BDNF: variants seen among roughly 807,000 people sequenced by gnomAD.
The protein encoded by BDNF is neurotrophic factor BDNF precursor form.
Under a neutral mutation model 19.5 loss-of-function variants are expected in BDNF, and 1 was observed. That is an observed-to-expected ratio of 0.05 (90% confidence interval 0.02 to 0.24). BDNF has a LOEUF of 0.24. Ranked by LOEUF, BDNF falls within the 10% of genes least tolerant of loss-of-function variation. The pLI is 1.00. For synonymous variants in BDNF, 100 were observed against 121.6 expected, an observed-to-expected ratio of 0.82 and a Z score of 1.17; for missense variants, 195 against 317.6, an observed-to-expected ratio of 0.61 and a Z score of 2.93.
intron 1 of BDNF, chr11:27,699,513 A>G (rs1211910772): frequency 1.2e-6 from 2 of 1,610,744 alleles, no homozygotes; most frequent in African/African-American, 2.7e-5. Context: ...GGGGCGCAGG[A>G]TGGGTAGAGA....
At chr11:27,690,957 G>C (rs987297233) in intron 1 of BDNF, 2 of 151,560 alleles carry the variant, frequency 1.3e-5, no homozygotes, top group Non-Finnish European at 2.9e-5. Flanking sequence ...TGATTCAGTA[G>C]TTCTCCCTCT....
At chr11:27,678,567 A>C (rs528436449) in intron 1 of BDNF, among the ~76,000 whole-genome samples, 2 of 152,330 alleles carry the variant, frequency 1.3e-5, no homozygotes, top group East Asian at 3.9e-4. Context: ...CGCACTGTAA[A>C]GATACTGATA....
chr11:27,700,726 GGGGCGCCTTGGACAGGACGCCCGCGGCTT>G, upstream of BDNF: 16 of 1,177,860 alleles, frequency 1.4e-5, no homozygotes, highest in South Asian at 2.3e-4. Context: ...GCGCCCTCCT[GGGGCGCCTTGGACAGGACGCCCGCGGCTT>G]CGAGGGGTGT....
At chr11:27,687,601 C>T (rs1248670473) in intron 1 of BDNF, among the ~76,000 whole-genome samples, 1 of 152,010 alleles carries the variant, frequency 6.6e-6, no homozygotes, top group South Asian at 2.1e-4. Flanking sequence ...TTCGTGTGGA[C>T]ATCCTTTTTG....
Position 27,699,788 on chromosome 11 carries a change from CTCAG to C in BDNF, c.-22+372_-22+375del, listed in dbSNP as rs992187785. 14 of 1,063,884 alleles carry C rather than the reference CTCAG, an allele frequency of 1.3e-5. No individual in the cohort carries two copies. The African/African-American group carries it at 1.6e-4, about 12-fold the overall frequency. The allele number at this position is 1,063,884 out of a possible 1,614,324, so 65.9% of individuals were successfully genotyped here. A position where few individuals can be genotyped will look rare whatever the true frequency, so the allele number is the denominator to read the frequency against. On this transcript the variant is annotated intron_variant, in intron 1 of 1. Coordinates refer to ENST00000356660, the MANE Select transcript of BDNF (RefSeq NM_001709.5). ...CCTAGCCTAGCCCCAGCACCCTCCC[CTCAG>C]TCAGGACCCTCGACAGCTCTGGCCC...
chr11:27,693,553 G>A (rs1157739590), intron 1 of BDNF, among the ~76,000 whole-genome samples: 1 of 152,156 alleles, frequency 6.6e-6, no homozygotes, highest in East Asian at 1.9e-4. Flanking sequence ...CAACATGTCG[G>A]TGCTGGATGT....
At chr11:27,677,037 C>G (rs747134841) in intron 1 of BDNF, 1 of 152,236 alleles carries the variant, frequency 6.6e-6, no homozygotes, top group Non-Finnish European at 1.5e-5. Flanking sequence ...AGAGCTGGCG[C>G]AAGCCCATGG....
At chr11:27,673,069 A>T (rs1026567523) in intron 1 of BDNF, among the ~76,000 whole-genome samples, 1 of 152,164 alleles carries the variant, frequency 6.6e-6, no homozygotes, top group East Asian at 1.9e-4. Flanking sequence ...CCCAGGTGGC[A>T]TCTTAAGTAT....
chr11:27,676,025 CAG>C (rs1310282294), intron 1 of BDNF: 1 of 152,252 alleles, frequency 6.6e-6, no homozygotes, highest in Admixed American at 6.5e-5. Flanking sequence ...GCACAAAAGA[CAG>C]AACACCTTGC....
upstream of BDNF, chr11:27,700,529 C>A (rs1327463139): frequency 5.1e-5 from 27 of 528,820 alleles, no homozygotes; most frequent in South Asian, 6.2e-4. Flanking sequence ...CGCCCCCCCC[C>A]CCCCGCCCCC....
intron 1 of BDNF, among the ~76,000 whole-genome samples, chr11:27,670,958 G>A (rs574353371): frequency 5.3e-5 from 8 of 152,294 alleles, no homozygotes; most frequent in East Asian, 3.9e-4. Flanking sequence ...ACATGCACAC[G>A]TATGTTTATT....
chr11:27,660,255 G>C (rs1853240889), intron 1 of BDNF: 3 of 1,252,156 alleles, frequency 2.4e-6, no homozygotes, highest in Non-Finnish European at 3.1e-6. Context: ...CAACCACTAA[G>C]AGACTTTATT....
chr11:27,670,817 A>T (rs939500310), intron 1 of BDNF, among the ~76,000 whole-genome samples: 1 of 152,228 alleles, frequency 6.6e-6, no homozygotes, highest in African/African-American at 2.4e-5. Context: ...TGGGACTGTA[A>T]ACTAGTTCAA....
intron 1 of BDNF, among the ~76,000 whole-genome samples, chr11:27,678,567 A>AGAT (rs1485444429): frequency 6.6e-6 from 1 of 152,210 alleles, no homozygotes; most frequent in East Asian, 1.9e-4. Context: ...CGCACTGTAA[A>AGAT]GATACTGATA....
At chr11:27,671,833 T>A (rs912847271) in intron 1 of BDNF, among the ~76,000 whole-genome samples, 1 of 152,116 alleles carries the variant, frequency 6.6e-6, no homozygotes, top group Non-Finnish European at 1.5e-5. Flanking sequence ...AATCAGATCC[T>A]GCATTTCAAT....
intron 1 of BDNF, among the ~76,000 whole-genome samples, chr11:27,721,225 T>C (rs1160225455): frequency 6.6e-6 from 1 of 152,020 alleles, no homozygotes; most frequent in African/African-American, 2.4e-5. Flanking sequence ...TTCCACGCAG[T>C]TCCACATAGC....
chr11:27,676,623 A>G (rs1856152568), intron 1 of BDNF, among the ~76,000 whole-genome samples: 2 of 152,236 alleles, frequency 1.3e-5, no homozygotes, highest in South Asian at 2.1e-4. Flanking sequence ...GAAAAAGTCT[A>G]GCAATAATGC....
chr11:27,678,271 A>ACC (rs1409890272), intron 1 of BDNF, among the ~76,000 whole-genome samples: 1 of 152,174 alleles, frequency 6.6e-6, no homozygotes, highest in African/African-American at 2.4e-5. Flanking sequence ...GTAAAGGTCA[A>ACC]CCCTACAAAC....
intron 1 of BDNF, among the ~76,000 whole-genome samples, chr11:27,689,010 T>A (rs748413146): frequency 6.6e-6 from 1 of 152,210 alleles, no homozygotes; most frequent in Non-Finnish European, 1.5e-5. Flanking sequence ...AAAATTAAAT[T>A]AAAAAACTCC....
Sources: gnomAD v4.1 joint callset for allele counts (sites outside exome capture counted in the v4.1 genomes callset) on GRCh38, gnomAD v4.1.1 for gene constraint, MANE v1.5 for transcripts, NCBI Gene and HGNC (gene_info 2026-07-23, HGNC 2026-07-21) for gene names.